The following CACHD1 variants were observed in gnomAD, a reference collection of about 807,000 sequenced individuals.
CACHD1 encodes VWFA and cache domain-containing protein 1.
CACHD1 carries 71 observed loss-of-function variants against 138.7 expected under a neutral mutation model. The observed-to-expected ratio is 0.51, with a 90% CI of 0.42 to 0.62. The LOEUF (loss-of-function observed/expected upper bound fraction) is 0.62. CACHD1 is among the 20% of genes least tolerant of loss of function. CACHD1 has a pLI of 0.00. For synonymous variants in CACHD1, 578 were observed against 591.5 expected, an observed-to-expected ratio of 0.98 and a Z score of 0.33; for missense variants, 1,389 against 1,625.3, an observed-to-expected ratio of 0.85 and a Z score of 2.50.
At chr1:64,540,123 C>G (rs897616431) in intron 1 of CACHD1, among the ~76,000 whole-genome samples, 1 of 152,300 alleles carries the variant, frequency 6.6e-6, no homozygotes, top group Middle Eastern at 3.4e-3. Context: ...CTCAGGTTTT[C>G]CAGTTCCCTT....
At chr1:64,590,977 C>CT (rs1647095812) in intron 3 of CACHD1, among the ~76,000 whole-genome samples, 1 of 152,180 alleles carries the variant, frequency 6.6e-6, no homozygotes, top group Non-Finnish European at 1.5e-5. Flanking sequence ...ACTCTTCCAA[C>CT]TTTGAAGACT....
chr1:64,657,130 A>G (rs529073336), intron 12 of CACHD1, among the ~76,000 whole-genome samples: 1 of 152,298 alleles, frequency 6.6e-6, no homozygotes, highest in Non-Finnish European at 1.5e-5. Flanking sequence ...TGATAGAAGT[A>G]CTGACTATTA....
chr1:64,577,618 G>A (rs1275701009), intron 2 of CACHD1, among the ~76,000 whole-genome samples: 1 of 152,178 alleles, frequency 6.6e-6, no homozygotes, highest in Non-Finnish European at 1.5e-5. Context: ...AAATGGAAGT[G>A]TGCACCTAAT....
chr1:64,660,327 A>G (rs1476047689), intron 13 of CACHD1, among the ~76,000 whole-genome samples: 5 of 152,158 alleles, frequency 3.3e-5, no homozygotes, highest in Admixed American at 6.5e-5. Flanking sequence ...ACAGTTTCCA[A>G]TATGGCAGCC....
chr1:64,667,303 C>T (rs1324062974), intron 16 of CACHD1, among the ~76,000 whole-genome samples: 1 of 152,164 alleles, frequency 6.6e-6, no homozygotes. Flanking sequence ...CACTGGTGCT[C>T]ATTGTGTGTC....
chr1:64,567,575 G>A (rs1188609398), intron 2 of CACHD1, among the ~76,000 whole-genome samples: 2 of 152,132 alleles, frequency 1.3e-5, no homozygotes, highest in Non-Finnish European at 2.9e-5. Context: ...TCGAGACTCA[G>A]AGACATTAAG....
intron 7 of CACHD1, among the ~76,000 whole-genome samples, chr1:64,638,000 G>A (rs1648580445): frequency 6.6e-6 from 1 of 152,072 alleles, no homozygotes; most frequent in Non-Finnish European, 1.5e-5. Flanking sequence ...TAAATGGAGG[G>A]GTGATAATAT....
At chr1:64,537,940 A>C (rs1355032038) in intron 1 of CACHD1, among the ~76,000 whole-genome samples, 1 of 152,066 alleles carries the variant, frequency 6.6e-6, no homozygotes, top group Non-Finnish European at 1.5e-5. Flanking sequence ...CTTTATTTTT[A>C]ACCCTAAAAA....
intron 1 of CACHD1, among the ~76,000 whole-genome samples, chr1:64,496,691 A>T (rs1378976200): frequency 6.6e-6 from 1 of 152,146 alleles, no homozygotes; most frequent in Non-Finnish European, 1.5e-5. Flanking sequence ...AGAATCTGTT[A>T]GAGAGGTGAA....
chr1:64,471,993 G>A (rs1646148262), intron 1 of CACHD1, among the ~76,000 whole-genome samples: 1 of 152,070 alleles, frequency 6.6e-6, no homozygotes. Flanking sequence ...AACATTCTTA[G>A]ATAAAATAAC....
intron 1 of CACHD1, 66 bp from the exon 2 acceptor site, chr1:64,550,528 A>G: frequency 9.1e-7 from 1 of 1,099,606 alleles, no homozygotes; most frequent in Non-Finnish European, 1.4e-6. Context: ...CAAATTATTC[A>G]CATACACACT....
At chr1:64,522,365 T>G (rs1646504609) in intron 1 of CACHD1, among the ~76,000 whole-genome samples, 1 of 152,034 alleles carries the variant, frequency 6.6e-6, no homozygotes, top group South Asian at 2.1e-4. Flanking sequence ...TAGAGTGCAG[T>G]GGCATGATCT....
chr1:64,512,393 C>CAAAAAAAAAAAAAAAAAAAAAAA (rs551616431), intron 1 of CACHD1, among the ~76,000 whole-genome samples: 2 of 78,632 alleles, frequency 2.5e-5, no homozygotes, highest in Admixed American at 1.2e-4. Context: ...GACTGTGTCT[C>CAAAAAAAAAAAAAAAAAAAAAAA]AAAAAAAAAA....
At chr1:64,611,832 C>T (rs2100597367) in intron 4 of CACHD1, among the ~76,000 whole-genome samples, 1 of 152,314 alleles carries the variant, frequency 6.6e-6, no homozygotes, top group African/African-American at 2.4e-5. Flanking sequence ...GCCTCGCTAC[C>T]TCATTGCCAA....
intron 1 of CACHD1, among the ~76,000 whole-genome samples, chr1:64,478,837 G>A (rs907518119): frequency 1.3e-5 from 2 of 152,142 alleles, no homozygotes; most frequent in African/African-American, 4.8e-5. Context: ...AGGGTGAAGG[G>A]GGGCAGGACC....
chr1:64,638,551 A>G (rs1447464447), intron 7 of CACHD1, among the ~76,000 whole-genome samples: 1 of 152,030 alleles, frequency 6.6e-6, no homozygotes, highest in East Asian at 1.9e-4. Context: ...GTTTCTTCTG[A>G]ATTTGTTTTG....
chr1:64,541,545 C>T (rs1430037153), intron 1 of CACHD1, among the ~76,000 whole-genome samples: 2 of 152,150 alleles, frequency 1.3e-5, no homozygotes, highest in African/African-American at 4.8e-5. Context: ...CAGTGGTTTA[C>T]ACCTGTAATC....
At chr1:64,644,429 G>A (rs1012019251) in intron 8 of CACHD1, among the ~76,000 whole-genome samples, 1 of 152,172 alleles carries the variant, frequency 6.6e-6, no homozygotes, top group Admixed American at 6.5e-5. Context: ...GAGGAGTAAG[G>A]AGGCCCAAAA....
At chr1:64,561,936 CAGTT>C (rs35250146) in intron 2 of CACHD1, among the ~76,000 whole-genome samples, 122,999 of 151,260 alleles carry the variant, frequency 0.81, 52,018 homozygotes, top group South Asian at 0.94. Flanking sequence ...TCTGAATTGA[CAGTT>C]TGTTTTTTGA....
Sources: gnomAD v4.1 joint callset for allele counts (sites outside exome capture counted in the v4.1 genomes callset) on GRCh38, gnomAD v4.1.1 for gene constraint, MANE v1.5 for transcripts, NCBI Gene and HGNC (gene_info 2026-07-23, HGNC 2026-07-21) for gene names.